Variants in FNTB observed in about 807,000 individuals in gnomAD.
The protein encoded by FNTB is protein farnesyltransferase subunit beta.
Under a neutral mutation model 59.4 loss-of-function variants are expected in FNTB, and 27 were observed. The ratio of observed to expected loss-of-function variants is 0.45; its 90% CI spans 0.34 to 0.63. The LOEUF (loss-of-function observed/expected upper bound fraction) is 0.63. FNTB is among the 20% of genes least tolerant of loss of function. FNTB has a pLI of 0.02. For missense variants in FNTB, 449 were observed against 559.6 expected (o/e 0.80, Z 1.99); for synonymous variants, 230 against 220.7 (o/e 1.04, Z -0.37).
chr14:65,027,263 G>A lies in FNTB; in HGVS notation c.375-190G>A. ...TACGAAACTCAGAGGAGGGCAGACA[G>A]AAATGATGATAGCTGGAGAGAGAAT... On this transcript the variant is annotated intron_variant, in intron 4 of 11. Transcript: ENST00000246166. This position sits in a 1 kb window ranked among gnomAD's most constrained non-coding sequence, Gnocchi z 5.7. The A allele has an allele frequency of 1.1e-6, 1 of 880,712 alleles. No individual in the cohort carries two copies. Among genetic ancestry groups the A allele is most frequent in the Non-Finnish European group, 1.7e-6 (1 of 591,566 alleles). 54.6% of individuals were successfully genotyped at this position (880,712 alleles called of 1,614,324 possible). A position where few individuals can be genotyped will look rare whatever the true frequency, so the allele number is the denominator to read the frequency against.
chr14:65,045,282 C>T (rs572073037), intron 9 of FNTB, among the ~76,000 whole-genome samples: 12 of 152,170 alleles, frequency 7.9e-5, no homozygotes, highest in Non-Finnish European at 1.6e-4. Context: ...GAATGAGATC[C>T]CTGGGTCCAA....
chr14:65,019,108 GGTTGCGGTGAGCCAA>G (rs2061837887), intron 4 of FNTB, among the ~76,000 whole-genome samples: 8 of 152,188 alleles, frequency 5.3e-5, no homozygotes, highest in Admixed American at 4.6e-4. Flanking sequence ...GGGAGGCGGA[GGTTGCGGTGAGCCAA>G]GATTGCACCA....
chr14:65,050,530 G>T (rs1241144214), intron 9 of FNTB, among the ~76,000 whole-genome samples: 2 of 152,176 alleles, frequency 1.3e-5, no homozygotes, highest in Non-Finnish European at 2.9e-5. Context: ...GGCAGAGGTT[G>T]CAGTGAGCTG....
chr14:65,015,438 A>T, intron 3 of FNTB, 187 bp from the exon 4 acceptor site: 1 of 319,624 alleles, frequency 3.1e-6, no homozygotes, highest in Non-Finnish European at 5.6e-6. Flanking sequence ...TTTTTTTAAC[A>T]GATGGTCATT....
intron 4 of FNTB, among the ~76,000 whole-genome samples, chr14:65,025,936 G>A (rs1167396095): frequency 1.3e-5 from 2 of 152,192 alleles, no homozygotes; most frequent in African/African-American, 2.4e-5. Context: ...AACCTGTGAC[G>A]TTTCAGAACT....
chr14:65,000,646 C>G (rs1433706375), intron 1 of FNTB, among the ~76,000 whole-genome samples: 4 of 151,612 alleles, frequency 2.6e-5, no homozygotes, highest in Non-Finnish European at 5.9e-5. Context: ...TGGTGAAACC[C>G]CTTCTCTACT....
chr14:65,033,082 C>T (rs1179633078), intron 7 of FNTB, among the ~76,000 whole-genome samples: 2 of 152,016 alleles, frequency 1.3e-5, no homozygotes, highest in Non-Finnish European at 2.9e-5. Flanking sequence ...TTTATAAGAG[C>T]CAAAAGCTGA....
rs1260253918 is a variant in FNTB, at chr14:65,047,377, C to T, written c.955+2934C>T. 6.6e-6 allele frequency among the ~76,000 whole-genome samples: 1 copy of T among 151,424 alleles called. No individual in the cohort carries two copies. Among genetic ancestry groups the T allele is most frequent in the African/African-American group, 2.5e-5 (1 of 40,728 alleles). ...AATCCAGACTAGCTGGCATCTGAAC[C>T]CTGCCCTGCTCATAACCACAGTAGG... On this transcript the variant is annotated intron_variant, in intron 9 of 11. Coordinates refer to ENST00000246166, the MANE Select transcript of FNTB (RefSeq NM_002028.4). The surrounding 1 kb of genome is among the most constrained non-coding windows in gnomAD (Gnocchi z 5.2).
rs2061690214 is a variant in FNTB at position 65,011,958 on chromosome 14, G to A, written c.210-359G>A. Reference sequence around the variant, plus strand: ...ATTTAAATTGCTTATAGGATGGGGAGGCACAAAGATATCTGTTCTTAGATG... The same window carrying A: ...ATTTAAATTGCTTATAGGATGGGGAAGCACAAAGATATCTGTTCTTAGATG... On this transcript the variant is annotated intron_variant, in intron 2 of 11. Transcript: ENST00000246166. The surrounding 1 kb of genome is among the most constrained non-coding windows in gnomAD (Gnocchi z 4.0). 6.6e-6 allele frequency among the ~76,000 whole-genome samples: 1 copy of A among 152,178 alleles called. No homozygotes were observed. Among genetic ancestry groups the A allele is most frequent in the Non-Finnish European group, 1.5e-5 (1 of 68,024 alleles).
chr14:65,057,949 CAGGT>C (rs1431913721), intron 11 of FNTB, among the ~76,000 whole-genome samples: 1 of 152,196 alleles, frequency 6.6e-6, no homozygotes, highest in Non-Finnish European at 1.5e-5. Flanking sequence ...AGTCTGAAAA[CAGGT>C]AGGCAAGTCC....
At position 65,061,541 on chromosome 14, in the gene FNTB, A is replaced by G; in HGVS notation, c.*229A>G. 2 of 604,186 alleles carry G rather than the reference A, an allele frequency of 3.3e-6. No individual in the cohort carries two copies. Among genetic ancestry groups the G allele is most frequent in the South Asian group, 2.2e-5 (1 of 46,486 alleles). 37.4% of individuals were successfully genotyped at this position (604,186 alleles called of 1,614,324 possible). A position where few individuals can be genotyped will look rare whatever the true frequency, so the allele number is the denominator to read the frequency against. On this transcript the variant is annotated 3_prime_UTR_variant, in exon 12 of 12. Transcript: ENST00000246166. Reference sequence around the variant, plus strand: ...TGTCAAACCAAAAATCTATCAGCCCACGTGGTGTGGTTGGTGAACAGTGCA... The same window carrying G: ...TGTCAAACCAAAAATCTATCAGCCCGCGTGGTGTGGTTGGTGAACAGTGCA...
At chr14:65,005,094 T>C (rs953143542) in intron 2 of FNTB, among the ~76,000 whole-genome samples, 6 of 152,272 alleles carry the variant, frequency 3.9e-5, no homozygotes, top group Non-Finnish European at 7.3e-5. Flanking sequence ...TTGGTAATTG[T>C]GTTCCATATC....
chr14:65,061,648 CATCCA>C lies in FNTB; in HGVS notation c.*337_*341del. 56 of 223,264 alleles carry C rather than the reference CATCCA, an allele frequency of 2.5e-4. No individual in the cohort carries two copies. The highest frequency in any genetic ancestry group is 6.5e-4 in the East Asian group (7 of 10,844). 13.8% of individuals were successfully genotyped at this position (223,264 alleles called of 1,614,324 possible). A position where few individuals can be genotyped will look rare whatever the true frequency, so the allele number is the denominator to read the frequency against. The stretch of plus-strand genomic sequence containing the variant: ...GATGAATGGCATCTGAGTATTACGG[CATCCA>C]GAGCCACTGCTGACTCCCACTTGCA... On this transcript the variant is annotated 3_prime_UTR_variant, in exon 12 of 12. Coordinates refer to ENST00000246166, the MANE Select transcript of FNTB (RefSeq NM_002028.4).
Position 65,053,471 on chromosome 14 carries a change from C to T in FNTB, c.1067+122C>T, listed in dbSNP as rs1047237174. The stretch of plus-strand genomic sequence containing the variant: ...GGTGTCACCTTCAGCACCTGCATAG[C>T]GCTAGGTTGTATGGGAAAAAGCACC... On this transcript the variant is annotated intron_variant, in intron 10 of 11. Coordinates refer to ENST00000246166, the MANE Select transcript of FNTB (RefSeq NM_002028.4). 11 of 850,582 alleles carry T rather than the reference C, an allele frequency of 1.3e-5. No individual in the cohort carries two copies. The South Asian group carries it at 1.8e-4, about 14-fold the overall frequency. 52.7% of individuals were successfully genotyped at this position (850,582 alleles called of 1,614,324 possible).
chr14:65,000,946 T>G (rs906660645), intron 1 of FNTB, among the ~76,000 whole-genome samples: 39 of 152,000 alleles, frequency 2.6e-4, no homozygotes, highest in African/African-American at 9.4e-4. Flanking sequence ...AAGGTATACA[T>G]TATTCTTTGT....
rs1226257489 is a variant in FNTB, at chr14:65,015,616, C to G, written c.283-9C>G. ...ATAAGGGATGTTTTCTCTCCTGTCT[C>G]TCTCCCAGTGTCTGGATGCCAGCCG... On this transcript the variant is annotated splice_polypyrimidine_tract_variant and intron_variant, in intron 3 of 11. Coordinates refer to ENST00000246166, the MANE Select transcript of FNTB (RefSeq NM_002028.4). The G allele has an allele frequency of 6.8e-6, 11 of 1,614,056 alleles. No individual in the cohort carries two copies. Among genetic ancestry groups the G allele is most frequent in the South Asian group, 4.4e-5 (4 of 91,070 alleles).
At chr14:65,006,955 T>C (rs1019708578) in intron 2 of FNTB, among the ~76,000 whole-genome samples, 7 of 152,110 alleles carry the variant, frequency 4.6e-5, no homozygotes, top group Non-Finnish European at 1.0e-4. Flanking sequence ...AAAAAAAAAG[T>C]GTTCCTCCTG....
At chr14:65,049,609 C>T (rs2062561889) in intron 9 of FNTB, among the ~76,000 whole-genome samples, 1 of 152,124 alleles carries the variant, frequency 6.6e-6, no homozygotes, top group African/African-American at 2.4e-5. Flanking sequence ...GTCACTGAAA[C>T]AGTCTATAGT....
chr14:65,035,298 G>A (rs1308333413), intron 7 of FNTB, among the ~76,000 whole-genome samples: 1 of 152,166 alleles, frequency 6.6e-6, no homozygotes, highest in Non-Finnish European at 1.5e-5. Flanking sequence ...CTAACTGCAT[G>A]CTGTTCTCTG....
Sources: allele counts gnomAD v4.1 joint callset (sites outside exome capture counted in the v4.1 genomes callset), GRCh38; gene constraint gnomAD v4.1.1; non-coding constraint Gnocchi (gnomAD v3.1); transcripts MANE v1.5; gene names NCBI Gene and HGNC (gene_info 2026-07-23, HGNC 2026-07-21).